ARL17A: variants seen among roughly 807,000 people sequenced by gnomAD.
ARL17A encodes ARF like GTPase 17A.
the ARL17A span, among the ~76,000 whole-genome samples, chr17:46,502,946 C>A: frequency 6.6e-6 from 1 of 150,622 alleles, no homozygotes; most frequent in Non-Finnish European, 1.5e-5. Context: ...GGCGTGGTGG[C>A]TCACGCCTGT....
At chr17:46,550,115 A>T (rs1211884745), downstream of ARL17A, among the ~76,000 whole-genome samples, 1 of 17,328 alleles carries the variant, frequency 5.8e-5, no homozygotes, top group African/African-American at 2.5e-4. Flanking sequence ...CAGGAGTTTG[A>T]GACCAGCTTG....
At chr17:46,530,567 G>T in intron 4 of ARL17A, among the ~76,000 whole-genome samples, 1 of 35,120 alleles carries the variant, frequency 2.8e-5, no homozygotes, top group African/African-American at 7.0e-5. Context: ...TTTTCCATCT[G>T]CCAGCATGTT....
chr17:46,530,475 GC>G (rs1474607224), intron 4 of ARL17A, among the ~76,000 whole-genome samples: 1 of 134,670 alleles, frequency 7.4e-6, no homozygotes, highest in Admixed American at 7.8e-5. Context: ...GGATCACAAG[GC>G]AGGACAAGCT....
intron 4 of ARL17A, among the ~76,000 whole-genome samples, chr17:46,534,115 G>A (rs1189768096): frequency 2.8e-5 from 4 of 144,644 alleles, no homozygotes; most frequent in Admixed American, 1.3e-4. Context: ...CCAGGCTTAA[G>A]CAATGCTGTC....
intron 2 of ARL17A, among the ~76,000 whole-genome samples, chr17:46,575,747 T>C (rs1351137137): frequency 3.0e-5 from 1 of 33,392 alleles, no homozygotes; most frequent in African/African-American, 1.6e-4. Flanking sequence ...TGGGAAACCA[T>C]GGCGGGAGGA....
chr17:46,522,363 G>A (rs1209862369), intron 3 of ARL17A, among the ~76,000 whole-genome samples: 3 of 64,748 alleles, frequency 4.6e-5, no homozygotes, highest in Admixed American at 2.6e-4. Context: ...GTGAAAGGAT[G>A]TCTTTTATTT....
chr17:46,543,597 A>G (rs1235880053), intron 3 of ARL17A, among the ~76,000 whole-genome samples: 3 of 150,806 alleles, frequency 2.0e-5, no homozygotes, highest in Non-Finnish European at 4.4e-5. Context: ...TGCACACTGA[A>G]GTCTTCAATG....
At position 46,531,952 on chromosome 17, in the gene ARL17A, G is replaced by C. The variant is rs567716441; in HGVS notation, c.336-3093C>G. Among the ~76,000 whole-genome samples the C allele has an allele frequency of 7.0e-5, 10 of 143,662 alleles. No homozygotes were observed. In the South Asian group the frequency reaches 2.2e-3, roughly 31 times the overall value. The allele number at this position is 143,662 out of a possible 152,430, so 94.2% of individuals were successfully genotyped here. A position where few individuals can be genotyped will look rare whatever the true frequency, so the allele number is the denominator to read the frequency against. On this transcript the variant is annotated intron_variant, in intron 4 of 4. Coordinates refer to the ARL17A transcript ENST00000329240. ...TTATCGTTTTGGCTCTTACATTTAG[G>C]TATTTGACATATTTTGCATCAATTC...
chr17:46,548,202 C>T, downstream of ARL17A: 2 of 261,736 alleles, frequency 7.6e-6, no homozygotes, highest in Admixed American at 1.0e-4. Context: ...CTGAATGGCA[C>T]TCGAATGTTT....
the ARL17A span, among the ~76,000 whole-genome samples, chr17:46,509,899 ACT>A: frequency 8.8e-5 from 4 of 45,414 alleles, 1 homozygote; most frequent in African/African-American, 3.1e-4. Context: ...AGAGCAAGAC[ACT>A]CTCTCGAGGA....
the ARL17A span, among the ~76,000 whole-genome samples, chr17:46,501,422 G>A: frequency 2.0e-5 from 3 of 151,150 alleles, no homozygotes; most frequent in Non-Finnish European, 4.4e-5. Context: ...TGATCCACCC[G>A]CCTTCGCCTC....
chr17:46,526,421 G>A (rs1204141164), downstream of ARL17A, among the ~76,000 whole-genome samples: 1 of 102,850 alleles, frequency 9.7e-6, no homozygotes, highest in African/African-American at 3.8e-5. Flanking sequence ...GTGGTTGATC[G>A]ATGATGAATA....
chr17:46,525,608 A>AATG (rs1213156284), downstream of ARL17A, among the ~76,000 whole-genome samples: 1 of 118,488 alleles, frequency 8.4e-6, no homozygotes, highest in Non-Finnish European at 1.8e-5. Flanking sequence ...ATAATATAAT[A>AATG]ATAATAATCA....
intron 4 of ARL17A, among the ~76,000 whole-genome samples, chr17:46,534,767 G>A (rs2054348021): frequency 6.7e-6 from 1 of 149,818 alleles, no homozygotes; most frequent in Non-Finnish European, 1.5e-5. Context: ...TCCCAGAAGG[G>A]GCAGCCGGGC....
chr17:46,503,255 G>A, the ARL17A span, among the ~76,000 whole-genome samples: 3 of 145,708 alleles, frequency 2.1e-5, no homozygotes, highest in Non-Finnish European at 3.0e-5. Context: ...CCCAACAAGC[G>A]TTTCTCTTTC....
At chr17:46,549,283 T>G, downstream of ARL17A, 1 of 1,610,748 alleles carries the variant, frequency 6.2e-7, no homozygotes, top group Non-Finnish European at 8.5e-7. Context: ...TTCAGAACAT[T>G]TTATAGAAAA....
At chr17:46,568,516 G>C (rs952977568) in intron 3 of ARL17A, among the ~76,000 whole-genome samples, 3 of 114,776 alleles carry the variant, frequency 2.6e-5, no homozygotes, top group South Asian at 2.6e-4. Context: ...AAAAAAAGAG[G>C]GGGGGAGGCC....
chr17:46,545,535 G>GT (rs1339482702), intron 3 of ARL17A, among the ~76,000 whole-genome samples: 1 of 125,352 alleles, frequency 8.0e-6, no homozygotes, highest in Non-Finnish European at 1.6e-5. Context: ...GTTCTCAAAT[G>GT]TTTTTTCACC....
At chr17:46,548,629 G>C, downstream of ARL17A, 13 of 1,602,768 alleles carry the variant, frequency 8.1e-6, no homozygotes, top group Non-Finnish European at 1.1e-5. Context: ...CCGGCAGAGA[G>C]TGAAGAGAGT....
Sources: gnomAD v4.1 joint callset for allele counts (sites outside exome capture counted in the v4.1 genomes callset) on GRCh38, gnomAD v4.1.1 for gene constraint, MANE v1.5 for transcripts, NCBI Gene and HGNC (gene_info 2026-07-23, HGNC 2026-07-21) for gene names.